The following ZEB1 variants were observed in gnomAD, a reference collection of about 807,000 sequenced individuals.
ZEB1 encodes zinc finger E-box-binding homeobox 1.
A neutral mutation model predicts 84.9 loss-of-function variants in ZEB1; 21 were observed. The observed-to-expected ratio is 0.25, with a 90% confidence interval of 0.18 to 0.36. The LOEUF (loss-of-function observed/expected upper bound fraction) is 0.36. Among genes scored for constraint, ZEB1 ranks in the 10% least tolerant of loss-of-function variants. ZEB1 has a pLI of 1.00. For missense variants in ZEB1, 1,104 were observed against 1,330.2 expected, an observed-to-expected ratio of 0.83 and a Z score of 2.65; for synonymous variants, 420 against 471.1, an observed-to-expected ratio of 0.89 and a Z score of 1.41.
intron 2 of ZEB1, among the ~76,000 whole-genome samples, chr10:31,474,350 C>A (rs220039): frequency 0.28 from 41,526 of 150,972 alleles, 13,782 homozygotes; most frequent in African/African-American, 0.8. Flanking sequence ...CAATGAACTC[C>A]AACAAATTTA....
chr10:31,352,373 A>T (rs1302491882), intron 1 of ZEB1, among the ~76,000 whole-genome samples: 1 of 152,198 alleles, frequency 6.6e-6, no homozygotes, highest in Non-Finnish European at 1.5e-5. Flanking sequence ...TTGGCTTCTT[A>T]TTGGCCCTTC....
rs1177119538 is a variant in ZEB1 at position 31,401,691 on chromosome 10, C to G, written c.59-59346C>G. Among the ~76,000 whole-genome samples the G allele has an allele frequency of 3.9e-5, 6 of 152,132 alleles. No individual in the cohort carries two copies. In the South Asian group the frequency reaches 6.2e-4, roughly 16 times the overall value. ...TGCATTTTCAAAATAAGTGTTATGG[C>G]AGAAGAGACTCCACTAATTTGTTAT... On this transcript the variant is annotated intron_variant, in intron 1 of 8. Transcript: ENST00000424869.
intron 1 of ZEB1, among the ~76,000 whole-genome samples, chr10:31,336,230 A>G (rs1590054459): frequency 6.6e-6 from 1 of 152,212 alleles, no homozygotes; most frequent in Non-Finnish European, 1.5e-5. Context: ...TGGAAGAACT[A>G]AGAGATAATA....
At position 31,416,103 on chromosome 10, in the gene ZEB1, TTATC is replaced by T. The variant is rs200249622; in HGVS notation, c.59-44931_59-44928del. 9.2e-3 allele frequency among the ~76,000 whole-genome samples: 1,396 copies of T among 152,162 alleles called. 20 individuals carry two copies. The highest frequency in any genetic ancestry group is 0.032 in the African/African-American group (1,337 of 41,546). On this transcript the variant is annotated intron_variant, in intron 1 of 8. Transcript: ENST00000424869. Reference sequence around the variant, plus strand: ...AGTTTTGCCCTGTGTAGAAGTGTGATTATCTAAGAAGTGATTTTTTTTCAGATTT... The same window carrying T: ...AGTTTTGCCCTGTGTAGAAGTGTGATTAAGAAGTGATTTTTTTTCAGATTT...
intron 2 of ZEB1, among the ~76,000 whole-genome samples, chr10:31,462,588 T>A (rs1298114168): frequency 6.6e-6 from 1 of 151,892 alleles, no homozygotes; most frequent in African/African-American, 2.4e-5. Context: ...GAATATAAGG[T>A]TTTCAGGCAA....
rs977784742 is a variant in ZEB1 at position 31,495,845 on chromosome 10, T to C, written c.322+7T>C. On this transcript the variant is annotated splice_region_variant and intron_variant, in intron 3 of 8. Coordinates refer to ENST00000424869, the MANE Select transcript of ZEB1 (RefSeq NM_001174096.2). ...GATGAAGCAGGATGTACAGGTACTC[T>C]GCTGCGACTTTCTTTCATACCATAG... 1.9e-6 allele frequency: 3 copies of C among 1,612,778 alleles called. No individual in the cohort carries two copies. Among genetic ancestry groups the C allele is most frequent in the Non-Finnish European group, 2.5e-6 (3 of 1,179,052 alleles).
Position 31,503,246 on chromosome 10 carries a change from A to G in ZEB1, c.484+737A>G, listed in dbSNP as rs146888803. Among the ~76,000 whole-genome samples, 717 of 152,248 alleles carry G rather than the reference A, an allele frequency of 4.7e-3. 6 individuals carry two copies. Among genetic ancestry groups the G allele is most frequent in the African/African-American group, 0.016 (672 of 41,554 alleles). ...CTTTTAAAGTTTGTCAGGTCCATACAGTACGATCTAAAAATTGAGGAACTA... is the reference window on the plus strand; with the variant it reads ...CTTTTAAAGTTTGTCAGGTCCATACGGTACGATCTAAAAATTGAGGAACTA... On this transcript the variant is annotated intron_variant, in intron 4 of 8. Coordinates refer to ENST00000424869, the MANE Select transcript of ZEB1 (RefSeq NM_001174096.2).
Position 31,427,176 on chromosome 10 carries a change from G to A in ZEB1, c.59-33861G>A, listed in dbSNP as rs1393932557. ...TTAAATTTCAAAGACGTGTAATAGT[G>A]CTAGCATTTACTACAGCATTGTGAT... On this transcript the variant is annotated intron_variant, in intron 1 of 8. Coordinates refer to ENST00000424869, the MANE Select transcript of ZEB1 (RefSeq NM_001174096.2). Among the ~76,000 whole-genome samples, 3 of 151,928 alleles carry A rather than the reference G, an allele frequency of 2.0e-5. No homozygotes were observed. In the East Asian group the frequency reaches 5.8e-4, roughly 29 times the overall value.
At chr10:31,517,809 TGTTA>T (rs2071440007) in intron 6 of ZEB1, among the ~76,000 whole-genome samples, 1 of 152,114 alleles carries the variant, frequency 6.6e-6, no homozygotes. Context: ...TATAGCCACA[TGTTA>T]GTTATTTGTA....
chr10:31,501,630 C>A (rs1005210460), intron 3 of ZEB1, among the ~76,000 whole-genome samples: 5 of 151,884 alleles, frequency 3.3e-5, no homozygotes, highest in African/African-American at 1.2e-4. Flanking sequence ...CTCCCCCCCC[C>A]ATTATCTGTG....
At chr10:31,479,819 A>G (rs1327650726) in intron 2 of ZEB1, among the ~76,000 whole-genome samples, 2 of 151,992 alleles carry the variant, frequency 1.3e-5, no homozygotes, top group Non-Finnish European at 2.9e-5. Context: ...TGTAAATATT[A>G]AACTAGGACA....
chr10:31,518,970 T>C (rs567170196), intron 6 of ZEB1, among the ~76,000 whole-genome samples: 155 of 152,316 alleles, frequency 1.0e-3, no homozygotes, highest in African/African-American at 3.5e-3. Context: ...AGGGCTTAAA[T>C]TGATTCCTCA....
intron 6 of ZEB1, among the ~76,000 whole-genome samples, chr10:31,516,417 G>A (rs969286386): frequency 6.6e-6 from 1 of 151,666 alleles, no homozygotes; most frequent in Non-Finnish European, 1.5e-5. Context: ...GGAGTAAATT[G>A]TTGGGGGGAC....
At chr10:31,376,813 G>T (rs1013651645) in intron 1 of ZEB1, among the ~76,000 whole-genome samples, 9 of 151,668 alleles carry the variant, frequency 5.9e-5, no homozygotes, top group African/African-American at 2.2e-4. Flanking sequence ...TCCATATGTT[G>T]TTTTAGTTAA....
intron 2 of ZEB1, among the ~76,000 whole-genome samples, chr10:31,475,680 C>G (rs185531556): frequency 6.6e-6 from 1 of 152,056 alleles, no homozygotes; most frequent in African/African-American, 2.4e-5. Flanking sequence ...ATTTTATATC[C>G]TGCCAAACTA....
chr10:31,442,530 A>G (rs1228448367), intron 1 of ZEB1, among the ~76,000 whole-genome samples: 2 of 152,008 alleles, frequency 1.3e-5, no homozygotes, highest in Non-Finnish European at 2.9e-5. Context: ...CACGTTGTGC[A>G]CATGTACCCT....
intron 1 of ZEB1, among the ~76,000 whole-genome samples, chr10:31,393,104 C>T (rs2050072946): frequency 6.6e-6 from 1 of 152,194 alleles, no homozygotes; most frequent in African/African-American, 2.4e-5. Flanking sequence ...TCCCAAAGAG[C>T]TGGGACTATC....
intron 1 of ZEB1, chr10:31,361,228 C>G: frequency 3.7e-6 from 6 of 1,610,050 alleles, no homozygotes; most frequent in South Asian, 1.1e-5. Flanking sequence ...CAGTCTTGCT[C>G]TGTCACCAGG....
Position 31,527,277 on chromosome 10 carries a change from A to G in ZEB1, c.*13A>G. 1 of 1,590,094 alleles carries G rather than the reference A, an allele frequency of 6.3e-7. No individual in the cohort carries two copies. On this transcript the variant is annotated 3_prime_UTR_variant, in exon 9 of 9. Transcript: ENST00000424869. The stretch of plus-strand genomic sequence containing the variant: ...AAATGAAGCCTAATCGTTTTTCTAG[A>G]AGGAAAATAAATTCTAATTGATAAT...
Sources: gnomAD v4.1 joint callset for allele counts (sites outside exome capture counted in the v4.1 genomes callset) on GRCh38, gnomAD v4.1.1 for gene constraint, MANE v1.5 for transcripts, NCBI Gene and HGNC (gene_info 2026-07-23, HGNC 2026-07-21) for gene names.